The following TFAP2D variants were observed in gnomAD, a reference collection of about 807,000 sequenced individuals.
TFAP2D encodes the protein transcription factor AP-2-delta.
A neutral mutation model predicts 43.6 loss-of-function variants in TFAP2D; 9 were observed. The observed-to-expected ratio is 0.21, with a 90% CI of 0.12 to 0.36. The LOEUF (loss-of-function observed/expected upper bound fraction) is 0.36, where lower values mean the gene tolerates loss of function less well. Ranked by LOEUF, TFAP2D falls within the 10% of genes least tolerant of loss-of-function variation. The pLI is 1.00. For synonymous variants in TFAP2D, 256 were observed against 224.9 expected (o/e 1.14, Z -1.24); for missense variants, 513 against 561.4 (o/e 0.91, Z 0.87).
chr6:50,766,532 C>A (rs1010027038), intron 7 of TFAP2D, among the ~76,000 whole-genome samples: 2 of 151,218 alleles, frequency 1.3e-5, no homozygotes, highest in African/African-American at 4.9e-5. Flanking sequence ...TCTTTAATTT[C>A]TTTCATTAGT....
At chr6:50,736,047 G>T (rs1054022065) in intron 5 of TFAP2D, among the ~76,000 whole-genome samples, 2 of 152,058 alleles carry the variant, frequency 1.3e-5, no homozygotes, top group Non-Finnish European at 2.9e-5. Context: ...GGTGGTGGTG[G>T]TGACATATGA....
intron 7 of TFAP2D, among the ~76,000 whole-genome samples, chr6:50,766,383 T>A (rs1188635309): frequency 6.6e-6 from 1 of 152,140 alleles, no homozygotes; most frequent in African/African-American, 2.4e-5. Context: ...GTGTTGTTTT[T>A]CCTATTTGTG....
chr6:50,735,189 T>C (rs1022897354), intron 5 of TFAP2D, among the ~76,000 whole-genome samples: 4 of 152,134 alleles, frequency 2.6e-5, no homozygotes, highest in African/African-American at 9.7e-5. Flanking sequence ...GAATAGCTGT[T>C]ATGCACAGGA....
intron 3 of TFAP2D, among the ~76,000 whole-genome samples, chr6:50,719,498 AAAG>A (rs200540996): frequency 0.045 from 6,103 of 134,906 alleles, 184 homozygotes; most frequent in East Asian, 0.094. Flanking sequence ...AGAAAGAAAG[AAAG>A]AAGTTTCTCA....
chr6:50,730,592 T>C (rs1768872759), intron 5 of TFAP2D, among the ~76,000 whole-genome samples: 1 of 152,160 alleles, frequency 6.6e-6, no homozygotes, highest in Admixed American at 6.6e-5. Context: ...GTTAAAATTA[T>C]AGTTATCATT....
At chr6:50,763,232 CTA>C (rs1403843702) in intron 7 of TFAP2D, among the ~76,000 whole-genome samples, 2 of 152,090 alleles carry the variant, frequency 1.3e-5, no homozygotes, top group African/African-American at 2.4e-5. Context: ...AGCTAAAAAT[CTA>C]TGATGCCTTC....
chr6:50,766,654 C>CTTTTTTGTTTTTTTTT (rs1769446211), intron 7 of TFAP2D, among the ~76,000 whole-genome samples: 1 of 57,384 alleles, frequency 1.7e-5, no homozygotes, highest in Non-Finnish European at 3.5e-5. Context: ...AGATTGCTTT[C>CTTTTTTGTTTTTTTTT]TTTTTTTTTT....
intron 5 of TFAP2D, among the ~76,000 whole-genome samples, chr6:50,735,181 A>G (rs1768945420): frequency 6.6e-6 from 1 of 152,148 alleles, no homozygotes; most frequent in East Asian, 1.9e-4. Context: ...CAAAGTGAGA[A>G]TAGCTGTTAT....
At chr6:50,728,497 G>C (rs566159990) in intron 3 of TFAP2D, among the ~76,000 whole-genome samples, 1 of 152,318 alleles carries the variant, frequency 6.6e-6, no homozygotes, top group African/African-American at 2.4e-5. Flanking sequence ...CCATGTATAA[G>C]TAATACCTAG....
At chr6:50,772,587 A>G (rs1769544568) in intron 7 of TFAP2D, 58 bp from the exon 8 acceptor site, 50 of 1,444,800 alleles carry the variant, frequency 3.5e-5, no homozygotes, top group Non-Finnish European at 4.8e-5. Context: ...GAGATTTGCT[A>G]TTTCACATGA....
chr6:50,744,079 A>C (rs1445374235), intron 5 of TFAP2D, among the ~76,000 whole-genome samples: 1 of 152,178 alleles, frequency 6.6e-6, no homozygotes, highest in Non-Finnish European at 1.5e-5. Context: ...TCAGGGGTGC[A>C]TGTGCAGGTT....
In TFAP2D at chr6:50,761,509, T is replaced by C. The variant is rs563080563; in HGVS notation, c.1139+10185T>C. Among the ~76,000 whole-genome samples, 76 of 152,162 alleles carry C rather than the reference T, an allele frequency of 5.0e-4. 1 individual carries two copies. The South Asian group carries it at 0.015, about 31-fold the overall frequency. Reference sequence around the variant, plus strand: ...ACTAAAGAGACTTTCATTTCCTTTATAACACATATTGAATCAGTGTTTGCT... The same window carrying C: ...ACTAAAGAGACTTTCATTTCCTTTACAACACATATTGAATCAGTGTTTGCT... On this transcript the variant is annotated intron_variant, in intron 7 of 7. Transcript: ENST00000008391.
chr6:50,734,266 C>T (rs1436933202), intron 5 of TFAP2D, among the ~76,000 whole-genome samples: 1 of 152,032 alleles, frequency 6.6e-6, no homozygotes, highest in Non-Finnish European at 1.5e-5. Flanking sequence ...CTCCCACCAC[C>T]TCTTACCCTC....
Position 50,751,320 on chromosome 6 carries a change from T to C in TFAP2D, c.1135T>C (p.Phe379Leu). The C allele has an allele frequency of 4.4e-6, 7 of 1,606,724 alleles. No homozygotes were observed. The highest frequency in any genetic ancestry group is 6.0e-6 in the Non-Finnish European group (7 of 1,174,108). ...DLDIQRHLTH[F>L]SLITHGFGTP... ...TGACATCCAGAGACATTTAACACAT[T>C]TCAGGTAAGACTGGTTTTCCAGTTT... Residue 379 changes from phenylalanine to leucine, a missense_variant, in exon 7 of 8, where the codon TTC becomes CTC. Around this residue, in one of 3 missense-constraint regions of TFAP2D, gnomAD observed 199 missense variants for 227.9 expected, o/e 0.87. Coordinates refer to ENST00000008391, the MANE Select transcript of TFAP2D (RefSeq NM_172238.4).
intron 2 of TFAP2D, among the ~76,000 whole-genome samples, chr6:50,718,617 C>A (rs1381410626): frequency 6.6e-6 from 1 of 152,088 alleles, no homozygotes; most frequent in African/African-American, 2.4e-5. Context: ...GATGTTCCTA[C>A]ATTTGGGGTA....
chr6:50,762,106 G>A (rs568986775), intron 7 of TFAP2D, among the ~76,000 whole-genome samples: 3 of 152,144 alleles, frequency 2.0e-5, no homozygotes, highest in African/African-American at 4.8e-5. Flanking sequence ...AAGAAGAAAG[G>A]ATTAAAGTGT....
intron 7 of TFAP2D, among the ~76,000 whole-genome samples, chr6:50,769,878 T>G (rs1769500175): frequency 6.6e-6 from 1 of 152,204 alleles, no homozygotes; most frequent in African/African-American, 2.4e-5. Context: ...TATGAAGTGA[T>G]ACAGATAAAA....
rs201988033 is a variant in TFAP2D at position 50,714,073 on chromosome 6, G to C, written c.18G>C (p.Pro6=). 45 of 1,611,598 alleles carry C rather than the reference G, an allele frequency of 2.8e-5. No individual in the cohort carries two copies. In the Admixed American group the frequency reaches 5.0e-4, roughly 18 times the overall value. MSTTF[P]GLVHDAEIRH... is the part of the protein sequence containing the mutation. ...AACCCAACATGTCAACTACCTTTCC[G>C]GGACTAGTCCACGATGCCGAGGTAT... Residue 6 remains proline, a synonymous_variant, in exon 1 of 8, where the codon CCG becomes CCC. Coordinates refer to ENST00000008391, the MANE Select transcript of TFAP2D (RefSeq NM_172238.4).
At chr6:50,734,181 C>G (rs1768932130) in intron 5 of TFAP2D, among the ~76,000 whole-genome samples, 1 of 152,010 alleles carries the variant, frequency 6.6e-6, no homozygotes, top group South Asian at 2.1e-4. Context: ...CAGACCCTAT[C>G]TTGGACATCT....
Sources: gnomAD v4.1 joint callset for allele counts (sites outside exome capture counted in the v4.1 genomes callset) on GRCh38, gnomAD v4.1.1 for gene constraint, gnomAD v4.1.1 regional missense constraint, MANE v1.5 for transcripts, NCBI Gene and HGNC (gene_info 2026-07-23, HGNC 2026-07-21) for gene names.